ASIC2: variants seen among roughly 807,000 people sequenced by gnomAD.
ASIC2 encodes the protein acid sensing ion channel subunit 2.
ASIC2 carries 25 observed loss-of-function variants against 57.3 expected under a neutral mutation model. The ratio of observed to expected loss-of-function variants is 0.44; its 90% CI spans 0.32 to 0.61. The LOEUF (loss-of-function observed/expected upper bound fraction) is 0.61. Among genes scored for constraint, ASIC2 ranks in the 20% least tolerant of loss-of-function variants. ASIC2 has a pLI of 0.06. For synonymous variants in ASIC2, 319 were observed against 307.5 expected, an observed-to-expected ratio of 1.04 and a Z score of -0.39; for missense variants, 641 against 738.1, an observed-to-expected ratio of 0.87 and a Z score of 1.52.
At chr17:33,253,825 T>C (rs1305002313) in intron 1 of ASIC2, among the ~76,000 whole-genome samples, 1 of 152,174 alleles carries the variant, frequency 6.6e-6, no homozygotes, top group Non-Finnish European at 1.5e-5. Flanking sequence ...GGCCTGATCT[T>C]GGTGGATGTT....
At chr17:33,132,403 C>T (rs1255823226) in intron 1 of ASIC2, among the ~76,000 whole-genome samples, 2 of 152,072 alleles carry the variant, frequency 1.3e-5, no homozygotes. Flanking sequence ...GAGTAGGTCC[C>T]CAAGGGTCCC....
At chr17:34,119,796 T>C (rs999896725) in intron 1 of ASIC2, among the ~76,000 whole-genome samples, 5 of 152,348 alleles carry the variant, frequency 3.3e-5, no homozygotes, top group South Asian at 2.1e-4. Context: ...TCCCGTCTGT[T>C]ATGATTGTAA....
chr17:33,132,616 C>T (rs1597594847), intron 1 of ASIC2, among the ~76,000 whole-genome samples: 1 of 152,340 alleles, frequency 6.6e-6, no homozygotes. Context: ...CTCATGCACA[C>T]TTGCGACCTA....
intron 1 of ASIC2, among the ~76,000 whole-genome samples, chr17:33,571,369 AAAC>A (rs1268912217): frequency 1.3e-5 from 2 of 152,176 alleles, no homozygotes; most frequent in Non-Finnish European, 2.9e-5. Flanking sequence ...TTTTCCACCA[AAAC>A]AACAGTTTCC....
At chr17:33,210,943 C>A (rs1294211669) in intron 1 of ASIC2, among the ~76,000 whole-genome samples, 4 of 152,128 alleles carry the variant, frequency 2.6e-5, no homozygotes, top group Non-Finnish European at 5.9e-5. Flanking sequence ...GGCTTTCAGT[C>A]TTTGACCAGG....
intron 1 of ASIC2, among the ~76,000 whole-genome samples, chr17:33,192,922 T>A (rs1467387222): frequency 1.3e-5 from 2 of 152,160 alleles, no homozygotes; most frequent in African/African-American, 4.8e-5. Context: ...ATGGAAAAAA[T>A]ACCTCTGGCC....
At chr17:33,377,794 C>T (rs2141943627) in intron 1 of ASIC2, among the ~76,000 whole-genome samples, 1 of 152,340 alleles carries the variant, frequency 6.6e-6, no homozygotes, top group South Asian at 2.1e-4. Context: ...TTGTGGAGCA[C>T]ATATGACTCA....
At chr17:33,448,757 G>T (rs1209930210) in intron 1 of ASIC2, among the ~76,000 whole-genome samples, 1 of 152,200 alleles carries the variant, frequency 6.6e-6, no homozygotes, top group Admixed American at 6.5e-5. Flanking sequence ...TAAATTTGTG[G>T]TAATTGACTA....
intron 1 of ASIC2, among the ~76,000 whole-genome samples, chr17:34,048,026 C>T (rs1908404679): frequency 1.3e-5 from 2 of 152,170 alleles, no homozygotes; most frequent in African/African-American, 4.8e-5. Flanking sequence ...TCATTATGAG[C>T]TAACACAACA....
intron 1 of ASIC2, among the ~76,000 whole-genome samples, chr17:33,117,587 G>A (rs538317459): frequency 1.3e-5 from 2 of 152,324 alleles, no homozygotes; most frequent in South Asian, 4.1e-4. Flanking sequence ...AGGGGTAGCA[G>A]AGCTGAGACT....
chr17:33,761,977 A>C (rs1038072959), intron 1 of ASIC2, among the ~76,000 whole-genome samples: 1 of 151,996 alleles, frequency 6.6e-6, no homozygotes, highest in African/African-American at 2.4e-5. Context: ...AGCACTCTCT[A>C]TGGTAGGCAA....
chr17:33,915,875 A>G (rs1915572973), intron 1 of ASIC2, among the ~76,000 whole-genome samples: 1 of 152,210 alleles, frequency 6.6e-6, no homozygotes, highest in Non-Finnish European at 1.5e-5. Flanking sequence ...AAGATGGCAT[A>G]GGTGAGATTG....
chr17:33,023,204 T>C (rs994255434), intron 6 of ASIC2, among the ~76,000 whole-genome samples: 10 of 152,120 alleles, frequency 6.6e-5, no homozygotes, highest in African/African-American at 2.4e-4. Context: ...AAAAAATCTC[T>C]GGGCCAGGCG....
At chr17:34,091,129 C>A (rs1254831906) in intron 1 of ASIC2, among the ~76,000 whole-genome samples, 1 of 152,224 alleles carries the variant, frequency 6.6e-6, no homozygotes, top group African/African-American at 2.4e-5. Flanking sequence ...CAACTCCAGT[C>A]CCTGAAGATC....
chr17:33,304,740 G>A (rs1906099584), intron 1 of ASIC2, among the ~76,000 whole-genome samples: 2 of 152,274 alleles, frequency 1.3e-5, no homozygotes, highest in East Asian at 3.9e-4. Flanking sequence ...CATGACCAGA[G>A]AGTGACCCAT....
At chr17:34,020,428 A>AGATCATGGTGGGGT (rs1445539542) in intron 1 of ASIC2, among the ~76,000 whole-genome samples, 4 of 152,110 alleles carry the variant, frequency 2.6e-5, no homozygotes, top group African/African-American at 9.7e-5. Flanking sequence ...TCTGGTGGGG[A>AGATCATGGTGGGGT]GATCATGGGA....
chr17:33,140,489 G>T (rs949088553), intron 1 of ASIC2, among the ~76,000 whole-genome samples: 1 of 152,146 alleles, frequency 6.6e-6, no homozygotes, highest in African/African-American at 2.4e-5. Flanking sequence ...TCTATGATGG[G>T]AATTACAGCA....
At chr17:33,783,777 C>T (rs188945430) in intron 1 of ASIC2, among the ~76,000 whole-genome samples, 4 of 152,336 alleles carry the variant, frequency 2.6e-5, no homozygotes, top group Admixed American at 2.0e-4. Flanking sequence ...GTCCCAACTC[C>T]AGTTGTAATT....
chr17:34,076,983 CG>C (rs1909690619), intron 1 of ASIC2, among the ~76,000 whole-genome samples: 1 of 152,196 alleles, frequency 6.6e-6, no homozygotes, highest in African/African-American at 2.4e-5. Context: ...CCATTTCTCA[CG>C]GGCTGTCTCA....
Sources: allele counts gnomAD v4.1 joint callset (sites outside exome capture counted in the v4.1 genomes callset), GRCh38; gene constraint gnomAD v4.1.1; transcripts MANE v1.5; gene names NCBI Gene and HGNC (gene_info 2026-07-23, HGNC 2026-07-21).